The following ABCC9 variants were observed in gnomAD, a reference collection of about 807,000 sequenced individuals.
ABCC9 encodes ATP-binding cassette sub-family C member 9.
Under a neutral mutation model 188.3 loss-of-function variants are expected in ABCC9, and 95 were observed. That is an observed-to-expected ratio of 0.50 (90% CI 0.43 to 0.60). The LOEUF (loss-of-function observed/expected upper bound fraction) is 0.60. Among genes scored for constraint, ABCC9 ranks in the 20% least tolerant of loss-of-function variants. The pLI, the probability that ABCC9 is intolerant of heterozygous loss-of-function variation, is 0.00. For synonymous variants in ABCC9, 659 were observed against 652.7 expected (o/e 1.01, Z -0.15); for missense variants, 1,102 against 1,876.3 (o/e 0.59, Z 7.62).
At chr12:21,842,529 G>A (rs1944447056) in intron 28 of ABCC9, 58 bp from the exon 29 acceptor site, 2 of 1,554,474 alleles carry the variant, frequency 1.3e-6, no homozygotes, top group South Asian at 1.1e-5. Flanking sequence ...TGGCTGCAAT[G>A]TAACAAAAAT....
chr12:21,849,886 T>C (rs373459773), intron 24 of ABCC9, among the ~76,000 whole-genome samples: 2 of 152,162 alleles, frequency 1.3e-5, no homozygotes, highest in African/African-American at 4.8e-5. Context: ...TTAAATCAGC[T>C]AAAAGTGTTA....
At chr12:21,835,536 C>A (rs2252707) in intron 30 of ABCC9, among the ~76,000 whole-genome samples, 152,312 of 152,312 alleles carry the variant, frequency 1, 76,156 homozygotes, top group Non-Finnish European at 1. Context: ...AGCCAAATAT[C>A]AAAGGATATT....
rs759657357 is a variant in ABCC9, at chr12:21,936,520, C to G, written c.142+13G>C. The stretch of plus-strand genomic sequence containing the variant: ...ACATCAAATGGTATAACATAAGATA[C>G]TAGATTACTTACCAATAAACAATAT... On this transcript the variant is annotated intron_variant, in intron 3 of 39. Transcript: ENST00000261200. 4.4e-6 allele frequency: 7 copies of G among 1,603,356 alleles called. No individual in the cohort carries two copies. The highest frequency in any genetic ancestry group is 1.3e-5 in the African/African-American group (1 of 74,572).
chr12:21,894,845 T>A (rs1947323796), intron 13 of ABCC9, among the ~76,000 whole-genome samples: 1 of 152,226 alleles, frequency 6.6e-6, no homozygotes. Context: ...TGCAATTATT[T>A]AAGATTTTCT....
intron 15 of ABCC9, among the ~76,000 whole-genome samples, chr12:21,884,164 G>A (rs189446257): frequency 6.0e-4 from 91 of 151,288 alleles, no homozygotes; most frequent in Non-Finnish European, 2.4e-4. Flanking sequence ...CTTGACCACC[G>A]AGGTTCAAGT....
At chr12:21,817,912 T>G (rs547115324) in intron 32 of ABCC9, among the ~76,000 whole-genome samples, 2 of 152,090 alleles carry the variant, frequency 1.3e-5, no homozygotes, top group Admixed American at 1.3e-4. Flanking sequence ...CTAAAAAAAA[T>G]GGATACATAC....
At position 21,844,510 on chromosome 12, in the gene ABCC9, A is replaced by G. The variant is rs377372612; in HGVS notation, c.3288T>C (p.Phe1096=). Residue 1096 remains phenylalanine, a synonymous_variant, in exon 28 of 40, where the codon TTT becomes TTC. Coordinates refer to ENST00000261200, the MANE Select transcript of ABCC9 (RefSeq NM_020297.4). ...GATCAATGATATTAGTATCAGCTGA[A>G]AAGCGATTGAGAATCAGTCCCAGGG... ...TTPLGLILNR[F]SADTNIIDQH... is the part of the protein sequence containing the mutation. The G allele has an allele frequency of 5.9e-5, 96 of 1,613,708 alleles. No homozygotes were observed. The highest frequency in any genetic ancestry group is 1.4e-5 in the Non-Finnish European group (16 of 1,179,746).
chr12:21,891,814 G>A (rs553661119), intron 14 of ABCC9, among the ~76,000 whole-genome samples: 1 of 152,172 alleles, frequency 6.6e-6, no homozygotes, highest in South Asian at 2.1e-4. Flanking sequence ...CAAAGTCTCC[G>A]ATTATAAACA....
intron 36 of ABCC9, among the ~76,000 whole-genome samples, chr12:21,811,284 G>T (rs829061): frequency 0.22 from 33,846 of 151,956 alleles, 4,143 homozygotes; most frequent in Middle Eastern, 0.34. Flanking sequence ...TGAAGAGCTG[G>T]GAGTCAATTA....
At chr12:21,805,221 C>A (rs542730918) in intron 39 of ABCC9, 1 of 1,613,844 alleles carries the variant, frequency 6.2e-7, no homozygotes, top group Non-Finnish European at 8.5e-7. Flanking sequence ...TTCTTGTGGG[C>A]GAGCAAATTT....
intron 22 of ABCC9, among the ~76,000 whole-genome samples, chr12:21,855,874 G>A (rs1945201204): frequency 6.6e-6 from 1 of 152,194 alleles, no homozygotes; most frequent in Admixed American, 6.5e-5. Context: ...ATAAGGAAGA[G>A]TGTGGTGACT....
At chr12:21,845,546 C>A in intron 26 of ABCC9, 57 bp downstream of exon 26, 1 of 1,356,700 alleles carries the variant, frequency 7.4e-7, no homozygotes, top group South Asian at 1.2e-5. Flanking sequence ...AAGAAGGTAT[C>A]ACTGTTAATC....
chr12:21,906,412 GGT>G, intron 11 of ABCC9, 124 bp from the exon 12 acceptor site: 1 of 962,980 alleles, frequency 1.0e-6, no homozygotes, highest in Non-Finnish European at 1.5e-6. Flanking sequence ...TCACTAATTA[GGT>G]TGTGAAGTTC....
chr12:21,869,415 A>T (rs1195028802), intron 18 of ABCC9, among the ~76,000 whole-genome samples: 1 of 152,186 alleles, frequency 6.6e-6, no homozygotes, highest in Admixed American at 6.5e-5. Flanking sequence ...TGCCTCTGTA[A>T]TTCATTCTTC....
chr12:21,881,072 T>C (rs1415344425), intron 16 of ABCC9, among the ~76,000 whole-genome samples: 2 of 151,970 alleles, frequency 1.3e-5, no homozygotes, highest in Admixed American at 1.3e-4. Flanking sequence ...ATTTAAACTT[T>C]TAAGAAACTA....
At chr12:21,888,660 T>A (rs1028629972) in intron 14 of ABCC9, among the ~76,000 whole-genome samples, 1 of 152,154 alleles carries the variant, frequency 6.6e-6, no homozygotes, top group Non-Finnish European at 1.5e-5. Context: ...TCTAGAAGAC[T>A]GGTTTGCCAA....
intron 20 of ABCC9, among the ~76,000 whole-genome samples, chr12:21,862,741 G>A (rs1234837035): frequency 6.6e-6 from 1 of 151,992 alleles, no homozygotes; most frequent in Admixed American, 6.6e-5. Flanking sequence ...TGTACAAATT[G>A]TTCTCAATAA....
chr12:21,857,778 A>G (rs538022187), intron 22 of ABCC9, among the ~76,000 whole-genome samples: 1 of 152,276 alleles, frequency 6.6e-6, no homozygotes, highest in African/African-American at 2.4e-5. Flanking sequence ...AAACGCTGGA[A>G]AAAGCAAGAA....
intron 4 of ABCC9, among the ~76,000 whole-genome samples, chr12:21,928,565 A>G (rs1408822888): frequency 6.6e-6 from 1 of 152,298 alleles, no homozygotes; most frequent in East Asian, 1.9e-4. Flanking sequence ...TGTGGTCACA[A>G]CCATACTCAC....
Sources: allele counts gnomAD v4.1 joint callset (sites outside exome capture counted in the v4.1 genomes callset), GRCh38; gene constraint gnomAD v4.1.1; transcripts MANE v1.5; gene names NCBI Gene and HGNC (gene_info 2026-07-23, HGNC 2026-07-21).